The following HDAC4 variants were observed in gnomAD, a reference collection of about 807,000 sequenced individuals.
The protein encoded by HDAC4 is histone deacetylase 4.
HDAC4 carries 16 observed loss-of-function variants against 135.1 expected under a neutral mutation model. The ratio of observed to expected loss-of-function variants is 0.12; its 90% confidence interval spans 0.08 to 0.18. The LOEUF (loss-of-function observed/expected upper bound fraction) is 0.18. Among genes scored for constraint, HDAC4 ranks in the 10% least tolerant of loss-of-function variants. HDAC4 has a pLI of 1.00. For synonymous variants in HDAC4, 685 were observed against 653.4 expected (o/e 1.05, Z -0.74); for missense variants, 1,143 against 1,511.8 (o/e 0.76, Z 4.05).
chr2:239,275,090 C>T (rs773472543), intron 2 of HDAC4, among the ~76,000 whole-genome samples: 9 of 152,346 alleles, frequency 5.9e-5, no homozygotes, highest in East Asian at 1.9e-4. Flanking sequence ...AGCCAGCACA[C>T]GCTACGCTAT....
intron 3 of HDAC4, among the ~76,000 whole-genome samples, chr2:239,198,346 C>T (rs548057332): frequency 6.6e-6 from 1 of 152,278 alleles, no homozygotes; most frequent in Admixed American, 6.5e-5. Flanking sequence ...CATCAGGAAC[C>T]CCCTGGCTCA....
At chr2:239,064,658 C>A (rs1002593140) in intron 24 of HDAC4, among the ~76,000 whole-genome samples, 1 of 152,216 alleles carries the variant, frequency 6.6e-6, no homozygotes, top group Non-Finnish European at 1.5e-5. Flanking sequence ...GAGTTACCAA[C>A]CGTTTGGAAA....
intron 16 of HDAC4, among the ~76,000 whole-genome samples, chr2:239,098,007 G>A (rs939006013): frequency 9.9e-5 from 15 of 152,238 alleles, no homozygotes; most frequent in Admixed American, 5.9e-4. Context: ...GTAGACACAC[G>A]TGTCCAGGTA....
chr2:239,116,686 C>T (rs566990845), intron 12 of HDAC4, among the ~76,000 whole-genome samples: 1 of 152,240 alleles, frequency 6.6e-6, no homozygotes. Context: ...TGCTCTTCTG[C>T]CATCCTGCCT....
At chr2:239,330,029 GCCCCTGCCCTCCAAGCCCAAGCTGCTGCT>G in intron 2 of HDAC4, among the ~76,000 whole-genome samples, 1 of 152,348 alleles carries the variant, frequency 6.6e-6, no homozygotes, top group South Asian at 2.1e-4. Context: ...GCCCGACGTG[GCCCCTGCCCTCCAAGCCCAAGCTGCTGCT>G]GCAGAGGCTG....
intron 3 of HDAC4, among the ~76,000 whole-genome samples, chr2:239,232,125 G>C (rs886104317): frequency 6.6e-6 from 1 of 152,256 alleles, no homozygotes. Context: ...AAGCCAGCTC[G>C]ACCTCCAGCC....
At chr2:239,054,517 T>C (rs1488232308) in intron 25 of HDAC4, among the ~76,000 whole-genome samples, 1 of 152,096 alleles carries the variant, frequency 6.6e-6, no homozygotes, top group Non-Finnish European at 1.5e-5. Context: ...GACTTACAAA[T>C]TGGGCTGATG....
At chr2:239,249,659 A>T (rs990952443) in intron 2 of HDAC4, among the ~76,000 whole-genome samples, 3 of 152,092 alleles carry the variant, frequency 2.0e-5, no homozygotes, top group African/African-American at 7.2e-5. Flanking sequence ...CTACAACAAC[A>T]TGTATTTCAG....
In HDAC4 at chr2:239,090,021, T is replaced by C. The variant is rs61752234; in HGVS notation, c.2376A>G (p.Thr792=). The C allele has an allele frequency of 0.046, 74,063 of 1,612,902 alleles. 2,048 individuals carry two copies. The highest frequency in any genetic ancestry group is 0.1 in the Admixed American group (6,023 of 60,022). Residue 792 remains threonine (T), a synonymous_variant, in exon 18 of 27, where the codon ACA becomes ACG. Transcript: ENST00000543185. ...CVVELVFKVA[T]GELKNGFAVV... ...GGCCCCGACTGACCTTCAGCTCCCC[T>C]GTGGCCACCTTGAAGACCAGCTCTA...
intron 2 of HDAC4, among the ~76,000 whole-genome samples, chr2:239,333,029 A>C (rs986656952): frequency 6.6e-6 from 1 of 152,194 alleles, no homozygotes; most frequent in East Asian, 1.9e-4. Flanking sequence ...TTAAAAATCT[A>C]AACAGTCCTA....
chr2:239,095,202 T>G, intron 16 of HDAC4, 146 bp from the exon 17 acceptor site: 7 of 833,326 alleles, frequency 8.4e-6, no homozygotes, highest in Non-Finnish European at 1.4e-5. Context: ...TGACACCCTG[T>G]GGCCCTGCTG....
rs1197006348 is a variant in HDAC4, at chr2:239,262,267, A to G, written c.23-25603T>C. 6.6e-6 allele frequency among the ~76,000 whole-genome samples: 1 copy of G among 152,238 alleles called. No individual in the cohort carries two copies. The highest frequency in any genetic ancestry group is 1.5e-5 in the Non-Finnish European group (1 of 68,044). On this transcript the variant is annotated intron_variant, in intron 2 of 26. Transcript: ENST00000543185. This position sits in a 1 kb window ranked among gnomAD's most constrained non-coding sequence, Gnocchi z 4.1. ...ATCCTAAATTTCTGTGATGTGAGATAAAATTTTAGTGGGATTACAGAAACC... is the reference window on the plus strand; with the variant it reads ...ATCCTAAATTTCTGTGATGTGAGATGAAATTTTAGTGGGATTACAGAAACC...
chr2:239,110,997 C>T lies in HDAC4; in HGVS notation c.1978+529G>A, dbSNP rs191719546. Among the ~76,000 whole-genome samples the T allele has an allele frequency of 9.8e-5, 15 of 152,332 alleles. No homozygotes were observed. The East Asian group carries it at 2.3e-3, about 23-fold the overall frequency. ...GACCCCTGCTGGCAGATCGCCTCCCCGGGGTGAGGATGGTATGAGGGATGG... is the reference window on the plus strand; with the variant it reads ...GACCCCTGCTGGCAGATCGCCTCCCTGGGGTGAGGATGGTATGAGGGATGG... On this transcript the variant is annotated intron_variant, in intron 14 of 26. Coordinates refer to ENST00000543185, the MANE Select transcript of HDAC4 (RefSeq NM_001378414.1).
chr2:239,338,825 G>T (rs1398481925), intron 2 of HDAC4, among the ~76,000 whole-genome samples: 1 of 152,132 alleles, frequency 6.6e-6, no homozygotes, highest in Admixed American at 6.5e-5. Context: ...AGCCACTGGT[G>T]GAGGATTCCA....
chr2:239,226,930 C>G (rs1455664356), intron 3 of HDAC4, among the ~76,000 whole-genome samples: 3 of 152,238 alleles, frequency 2.0e-5, no homozygotes, highest in Non-Finnish European at 4.4e-5. Flanking sequence ...ATCACGTTGT[C>G]AGGATCCCTC....
At chr2:239,267,527 G>A (rs1329320277) in intron 2 of HDAC4, among the ~76,000 whole-genome samples, 2 of 152,262 alleles carry the variant, frequency 1.3e-5, no homozygotes, top group African/African-American at 4.8e-5. Flanking sequence ...TCCCGGAAGG[G>A]CTTGGCACAG....
At chr2:239,134,175 G>T in intron 11 of HDAC4, 70 bp downstream of exon 11, 1 of 1,296,356 alleles carries the variant, frequency 7.7e-7, no homozygotes. Flanking sequence ...AAAGGCAGGC[G>T]AAGGCGGGGC....
intron 2 of HDAC4, among the ~76,000 whole-genome samples, chr2:239,266,482 G>A (rs1249699588): frequency 3.9e-5 from 6 of 152,216 alleles, no homozygotes; most frequent in African/African-American, 1.2e-4. Flanking sequence ...TATTCCAGAG[G>A]TGCCTCCGGG....
In HDAC4 at chr2:239,285,160, A is replaced by G. The variant is rs1360680012; in HGVS notation, c.23-48496T>C. Among the ~76,000 whole-genome samples, 1 of 152,328 alleles carries G rather than the reference A, an allele frequency of 6.6e-6. No homozygotes were observed. Among genetic ancestry groups the G allele is most frequent in the South Asian group, 2.1e-4 (1 of 4,828 alleles). Reference sequence around the variant, plus strand: ...AAAGTTCAAAGTTCAAAGACTGCAGATGGTACAGAGAAAGCGTTACACAGT... The same window carrying G: ...AAAGTTCAAAGTTCAAAGACTGCAGGTGGTACAGAGAAAGCGTTACACAGT... On this transcript the variant is annotated intron_variant, in intron 2 of 26. Coordinates refer to ENST00000543185, the MANE Select transcript of HDAC4 (RefSeq NM_001378414.1). The surrounding 1 kb of genome is among the most constrained non-coding windows in gnomAD (Gnocchi z 4.5).
Sources: gnomAD v4.1 joint callset for allele counts (sites outside exome capture counted in the v4.1 genomes callset) on GRCh38, gnomAD v4.1.1 for gene constraint, Gnocchi (gnomAD v3.1) non-coding constraint, MANE v1.5 for transcripts, NCBI Gene and HGNC (gene_info 2026-07-23, HGNC 2026-07-21) for gene names.